Variants in SGCD observed in about 807,000 individuals in gnomAD.
SGCD encodes delta-sarcoglycan.
SGCD carries 18 observed loss-of-function variants against 36.6 expected under a neutral mutation model. The observed-to-expected ratio is 0.49, with a 90% confidence interval of 0.34 to 0.73. The LOEUF is 0.73. Ranked by LOEUF, SGCD falls within the 30% of genes least tolerant of loss-of-function variation. The pLI, the probability that SGCD is intolerant of heterozygous loss-of-function variation, is 0.01. For synonymous variants in SGCD, 133 were observed against 130.6 expected, an observed-to-expected ratio of 1.02 and a Z score of -0.12; for missense variants, 387 against 346.7, an observed-to-expected ratio of 1.12 and a Z score of -0.92.
the SGCD span, among the ~76,000 whole-genome samples, chr5:155,828,625 C>G: frequency 2.0e-5 from 3 of 152,114 alleles, no homozygotes; most frequent in East Asian, 1.9e-4. Context: ...GAAAAACTCT[C>G]TTTTTCAGAA....
intron 3 of SGCD, among the ~76,000 whole-genome samples, chr5:156,281,527 T>C (rs1766453029): frequency 1.3e-5 from 2 of 152,236 alleles, no homozygotes; most frequent in African/African-American, 2.4e-5. Flanking sequence ...CAAATAATTA[T>C]TGAGGCCCCT....
chr5:156,425,081 T>C (rs1031243084), intron 3 of SGCD, among the ~76,000 whole-genome samples: 4 of 151,994 alleles, frequency 2.6e-5, no homozygotes, highest in African/African-American at 9.7e-5. Flanking sequence ...AAATCCAACT[T>C]CCCAAACTCC....
intron 1 of SGCD, among the ~76,000 whole-genome samples, chr5:155,889,073 T>C (rs987147701): frequency 1.3e-5 from 2 of 152,238 alleles, no homozygotes; most frequent in Non-Finnish European, 2.9e-5. Context: ...TGTATTATTG[T>C]TTGCTCTTTT....
At chr5:156,646,233 A>G (rs1763219737) in intron 6 of SGCD, among the ~76,000 whole-genome samples, 2 of 152,166 alleles carry the variant, frequency 1.3e-5, no homozygotes, top group Admixed American at 1.3e-4. Flanking sequence ...CTTGTTCTTC[A>G]CTTCCTTTCT....
chr5:156,380,274 A>T (rs1176379253), intron 3 of SGCD, among the ~76,000 whole-genome samples: 31 of 152,144 alleles, frequency 2.0e-4, no homozygotes, highest in Admixed American at 2.0e-3. Context: ...ACCTTACCAA[A>T]GCCAAAGGAG....
At position 156,763,748 on chromosome 5, in the gene SGCD, A is replaced by C. The variant is rs1757537408; in HGVS notation, c.*4358A>C. On this transcript the variant is annotated 3_prime_UTR_variant, in exon 9 of 9. Transcript: ENST00000337851. ...AAAAAAAAAGTATCAGCTAGGGATGACTCTGGAAGTATGAGTATCATGGTG... is the reference window on the plus strand; with the variant it reads ...AAAAAAAAAGTATCAGCTAGGGATGCCTCTGGAAGTATGAGTATCATGGTG... The C allele has an allele frequency of 6.6e-6, 1 of 151,772 alleles. No homozygotes were observed. 9.4% of individuals were successfully genotyped at this position (151,772 alleles called of 1,614,324 possible).
chr5:156,620,536 G>A (rs1762203585), intron 6 of SGCD, among the ~76,000 whole-genome samples: 1 of 152,212 alleles, frequency 6.6e-6, no homozygotes, highest in South Asian at 2.1e-4. Flanking sequence ...AGACAAGGTA[G>A]GAAGAGATCA....
At chr5:156,656,952 G>A (rs905924488) in intron 7 of SGCD, among the ~76,000 whole-genome samples, 1 of 152,008 alleles carries the variant, frequency 6.6e-6, no homozygotes, top group South Asian at 2.1e-4. Context: ...AACTCCTTTG[G>A]GAATGTGTGA....
chr5:156,188,225 C>T (rs1763809322), intron 3 of SGCD, among the ~76,000 whole-genome samples: 1 of 152,114 alleles, frequency 6.6e-6, no homozygotes, highest in South Asian at 2.1e-4. Flanking sequence ...TGGCGTTATT[C>T]CAGGTGCTTG....
At chr5:156,535,038 G>A (rs1199455221) in intron 4 of SGCD, among the ~76,000 whole-genome samples, 8 of 152,146 alleles carry the variant, frequency 5.3e-5, no homozygotes, top group Admixed American at 5.2e-4. Context: ...TGCCAAAATT[G>A]TACCTTCTGA....
chr5:156,395,627 A>C (rs1771805350), intron 3 of SGCD, among the ~76,000 whole-genome samples: 1 of 152,178 alleles, frequency 6.6e-6, no homozygotes, highest in African/African-American at 2.4e-5. Flanking sequence ...ACATGTACCA[A>C]GCTCTGTGCT....
At chr5:156,186,168 G>C (rs564618852) in intron 3 of SGCD, among the ~76,000 whole-genome samples, 6 of 151,662 alleles carry the variant, frequency 4.0e-5, no homozygotes, top group Non-Finnish European at 8.8e-5. Context: ...CTTATACCAG[G>C]ACCTGAACTA....
At chr5:156,412,650 A>G (rs1477084645) in intron 3 of SGCD, among the ~76,000 whole-genome samples, 1 of 152,238 alleles carries the variant, frequency 6.6e-6, no homozygotes, top group East Asian at 1.9e-4. Context: ...CCAGAGTCAA[A>G]GAACTTAGAG....
At chr5:156,240,071 T>TCTAG (rs1010828937) in intron 3 of SGCD, among the ~76,000 whole-genome samples, 8 of 152,154 alleles carry the variant, frequency 5.3e-5, no homozygotes, top group African/African-American at 1.9e-4. Context: ...GGGGAAGCCT[T>TCTAG]ACCCAGTGCT....
intron 4 of SGCD, among the ~76,000 whole-genome samples, chr5:156,588,351 A>T (rs905095909): frequency 3.9e-5 from 6 of 152,132 alleles, no homozygotes; most frequent in African/African-American, 1.4e-4. Context: ...AAATTTTATG[A>T]AATTTAGATG....
At chr5:156,295,175 T>A (rs1322548942) in intron 3 of SGCD, among the ~76,000 whole-genome samples, 1 of 152,202 alleles carries the variant, frequency 6.6e-6, no homozygotes, top group East Asian at 1.9e-4. Context: ...TATTCAGATT[T>A]TCTATTTCTG....
intron 1 of SGCD, among the ~76,000 whole-genome samples, chr5:155,876,621 T>C (rs1462360731): frequency 6.6e-6 from 1 of 152,086 alleles, no homozygotes; most frequent in African/African-American, 2.4e-5. Flanking sequence ...AAAGCTTAGC[T>C]GCGTTTCTTC....
chr5:156,717,524 C>G (rs989136015), intron 7 of SGCD, among the ~76,000 whole-genome samples: 5 of 152,206 alleles, frequency 3.3e-5, no homozygotes, highest in Admixed American at 2.0e-4. Context: ...GCTTTGACAT[C>G]ATGGGGGAAT....
At chr5:156,419,364 C>T (rs925468329) in intron 3 of SGCD, among the ~76,000 whole-genome samples, 1 of 152,146 alleles carries the variant, frequency 6.6e-6, no homozygotes. Flanking sequence ...CTATGGTCAT[C>T]TTCTGTCTCC....
Sources: allele counts gnomAD v4.1 joint callset (sites outside exome capture counted in the v4.1 genomes callset), GRCh38; gene constraint gnomAD v4.1.1; transcripts MANE v1.5; gene names NCBI Gene and HGNC (gene_info 2026-07-23, HGNC 2026-07-21).